Variants in CPNE4 observed in about 807,000 individuals in gnomAD.
The protein encoded by CPNE4 is copine 4, also known as copine-4.
A neutral mutation model predicts 67.9 loss-of-function variants in CPNE4; 25 were observed. That is an observed-to-expected ratio of 0.37 (90% CI 0.27 to 0.51). CPNE4 has a LOEUF of 0.51. Ranked by LOEUF, CPNE4 falls within the 20% of genes least tolerant of loss-of-function variation. The pLI is 0.93. For synonymous variants in CPNE4, 242 were observed against 244.9 expected, an observed-to-expected ratio of 0.99 and a Z score of 0.11; for missense variants, 464 against 690.8, an observed-to-expected ratio of 0.67 and a Z score of 3.68.
upstream of CPNE4, among the ~76,000 whole-genome samples, chr3:132,038,133 C>CT (rs1337706457): frequency 1.3e-5 from 2 of 150,214 alleles, no homozygotes; most frequent in East Asian, 2.0e-4. Flanking sequence ...AAAATTTGTT[C>CT]TTTTTTTCTA....
chr3:131,892,937 C>T (rs1011037877), intron 2 of CPNE4, among the ~76,000 whole-genome samples: 1 of 151,782 alleles, frequency 6.6e-6, no homozygotes, highest in African/African-American at 2.4e-5. Context: ...TTAAAAAAAT[C>T]AGAAAACAAC....
intron 2 of CPNE4, among the ~76,000 whole-genome samples, chr3:131,893,097 C>A (rs2088181241): frequency 1.3e-5 from 2 of 151,866 alleles, no homozygotes; most frequent in South Asian, 2.1e-4. Context: ...AGACTCACCT[C>A]ATTTTTAAAG....
chr3:131,695,962 A>C (rs913413216), intron 5 of CPNE4, among the ~76,000 whole-genome samples: 1 of 152,194 alleles, frequency 6.6e-6, no homozygotes, highest in Non-Finnish European at 1.5e-5. Flanking sequence ...CAGGTTGCAG[A>C]TGTGAGAGTG....
At chr3:131,999,186 G>A (rs553791230) in intron 1 of CPNE4, among the ~76,000 whole-genome samples, 5 of 140,402 alleles carry the variant, frequency 3.6e-5, no homozygotes, top group African/African-American at 1.4e-4. Flanking sequence ...GGAGAAAAAC[G>A]AAGGGCAGTG....
intron 7 of CPNE4, among the ~76,000 whole-genome samples, chr3:131,656,405 G>C (rs2079967355): frequency 6.6e-6 from 1 of 152,144 alleles, no homozygotes; most frequent in African/African-American, 2.4e-5. Flanking sequence ...GATATATGTG[G>C]AGATAAGAAT....
intron 1 of CPNE4, among the ~76,000 whole-genome samples, chr3:131,973,080 G>T (rs769178994): frequency 3.9e-5 from 6 of 152,162 alleles, no homozygotes; most frequent in Non-Finnish European, 7.3e-5. Flanking sequence ...CCAACTGGTT[G>T]TAACAGCAGA....
At chr3:131,737,979 G>A (rs1484978212) in intron 2 of CPNE4, among the ~76,000 whole-genome samples, 1 of 152,284 alleles carries the variant, frequency 6.6e-6, no homozygotes, top group African/African-American at 2.4e-5. Context: ...GATTGAATGA[G>A]TGCATATGAT....
chr3:131,959,217 G>A (rs1488485407), intron 1 of CPNE4, among the ~76,000 whole-genome samples: 1 of 50,156 alleles, frequency 2.0e-5, no homozygotes, highest in South Asian at 5.4e-4. Flanking sequence ...AGCCAGGATG[G>A]TCTCGATCTC....
chr3:131,730,771 G>T (rs1382503281), intron 2 of CPNE4, among the ~76,000 whole-genome samples: 1 of 152,130 alleles, frequency 6.6e-6, no homozygotes, highest in African/African-American at 2.4e-5. Context: ...CCAAAAGCCA[G>T]GAGAGGAGCA....
At chr3:131,755,666 C>T (rs2082734524) in intron 2 of CPNE4, among the ~76,000 whole-genome samples, 1 of 152,168 alleles carries the variant, frequency 6.6e-6, no homozygotes, top group African/African-American at 2.4e-5. Flanking sequence ...AGCCAGGCAT[C>T]AGATCTAGTC....
At chr3:131,878,102 G>A (rs6798225) in intron 2 of CPNE4, among the ~76,000 whole-genome samples, 96,445 of 152,074 alleles carry the variant, frequency 0.63, 30,813 homozygotes, top group Admixed American at 0.73. Context: ...ACATAGTCTC[G>A]CCTATCACAT....
At chr3:132,000,015 A>G (rs927424985) in intron 1 of CPNE4, among the ~76,000 whole-genome samples, 1 of 151,036 alleles carries the variant, frequency 6.6e-6, no homozygotes, top group Non-Finnish European at 1.5e-5. Context: ...ACAACATTCA[A>G]TGTACATCTA....
intron 1 of CPNE4, among the ~76,000 whole-genome samples, chr3:132,024,458 A>G (rs9809328): frequency 0.077 from 11,627 of 151,620 alleles, 629 homozygotes; most frequent in Non-Finnish European, 0.12. Context: ...GTTTTAGTGG[A>G]AGGACTGTAC....
At chr3:131,733,613 CA>C (rs1475845471) in intron 2 of CPNE4, among the ~76,000 whole-genome samples, 1 of 152,234 alleles carries the variant, frequency 6.6e-6, no homozygotes, top group Non-Finnish European at 1.5e-5. Context: ...TAAAAGCAGG[CA>C]GAGCCTGCCA....
chr3:131,719,131 A>G (rs1262822180), intron 3 of CPNE4, among the ~76,000 whole-genome samples: 2 of 152,222 alleles, frequency 1.3e-5, no homozygotes, highest in African/African-American at 2.4e-5. Flanking sequence ...CATGGTTTAG[A>G]GATACACTGA....
chr3:131,882,972 C>T (rs927956765), intron 2 of CPNE4, among the ~76,000 whole-genome samples: 3 of 152,142 alleles, frequency 2.0e-5, no homozygotes, highest in East Asian at 3.9e-4. Context: ...CTGACTCGGG[C>T]TCCCAAAGTG....
rs550190641 is a variant in CPNE4, at chr3:131,642,214, T to TCCAGAGACCAGGAAGGTAATATACATGTG, written c.681+27432_681+27460dup. 3.8e-3 allele frequency among the ~76,000 whole-genome samples: 573 copies of TCCAGAGACCAGGAAGGTAATATACATGTG among 152,204 alleles called. 2 individuals carry two copies. Among genetic ancestry groups the TCCAGAGACCAGGAAGGTAATATACATGTG allele is most frequent in the African/African-American group, 0.013 (521 of 41,530 alleles). ...ATAGTGTTCAGAATATTCAAATATC[T>TCCAGAGACCAGGAAGGTAATATACATGTG]CCAGAGACCAGGAAGGTAATATACA... On this transcript the variant is annotated intron_variant, in intron 7 of 15. Transcript: ENST00000429747.
chr3:131,672,541 G>A (rs1239133765), intron 6 of CPNE4, among the ~76,000 whole-genome samples: 2 of 152,022 alleles, frequency 1.3e-5, no homozygotes, highest in Admixed American at 6.6e-5. Flanking sequence ...ACTGAGGTGA[G>A]TGCTATCTCA....
chr3:131,882,501 G>A (rs943777916), intron 2 of CPNE4, among the ~76,000 whole-genome samples: 96 of 152,188 alleles, frequency 6.3e-4, no homozygotes, highest in African/African-American at 2.3e-3. Context: ...AGGCAGTTGG[G>A]TAATTTGTAA....
Sources: gnomAD v4.1 joint callset for allele counts (sites outside exome capture counted in the v4.1 genomes callset) on GRCh38, gnomAD v4.1.1 for gene constraint, MANE v1.5 for transcripts, NCBI Gene and HGNC (gene_info 2026-07-23, HGNC 2026-07-21) for gene names.